TCF4: variants seen among roughly 807,000 people sequenced by gnomAD.
TCF4 encodes SL3-3 enhancer factor 2.
In TCF4, 3 loss-of-function variants were observed where a neutral mutation model predicts 82.1. The ratio of observed to expected loss-of-function variants is 0.04; its 90% confidence interval spans 0.02 to 0.09. The LOEUF is 0.09. Ranked by LOEUF, TCF4 falls within the 10% of genes least tolerant of loss-of-function variation. The probability of loss-of-function intolerance (pLI) is 1.00; values close to 1 mark genes in which losing one functional copy is unlikely to be tolerated. For synonymous variants in TCF4, 276 were observed against 309.6 expected (o/e 0.89, Z 1.14); for missense variants, 518 against 852.7 (o/e 0.61, Z 4.89).
chr18:55,402,816 C>A (rs1386036534), intron 6 of TCF4, among the ~76,000 whole-genome samples: 1 of 152,184 alleles, frequency 6.6e-6, no homozygotes, highest in East Asian at 1.9e-4. Context: ...CACAAACACA[C>A]ACATGCTATA....
intron 8 of TCF4, chr18:55,320,688 T>C (rs2075277633): frequency 6.6e-6 from 1 of 152,224 alleles, no homozygotes; most frequent in African/African-American, 2.4e-5. Flanking sequence ...TTAAGATCAA[T>C]CCAAATGGAA....
intron 3 of TCF4, chr18:55,495,489 T>C (rs2096624991): frequency 1.3e-5 from 2 of 151,996 alleles, no homozygotes; most frequent in African/African-American, 4.8e-5. Flanking sequence ...ATTATGAGAG[T>C]TGTTCAGCAA....
intron 5 of TCF4, among the ~76,000 whole-genome samples, chr18:55,409,830 C>T (rs1302454449): frequency 6.6e-6 from 1 of 152,072 alleles, no homozygotes; most frequent in Non-Finnish European, 1.5e-5. Context: ...ACTAGCTAGT[C>T]AACTTTACTC....
chr18:55,369,223 T>G (rs2088189285), intron 6 of TCF4, among the ~76,000 whole-genome samples: 1 of 152,226 alleles, frequency 6.6e-6, no homozygotes, highest in Non-Finnish European at 1.5e-5. Flanking sequence ...CCTACATGTT[T>G]TGAAACTTAA....
Position 55,269,813 on chromosome 18 carries a change from G to T in TCF4, c.922+18C>A. 1.2e-6 allele frequency: 2 copies of T among 1,612,744 alleles called. No individual in the cohort carries two copies. The highest frequency in any genetic ancestry group is 1.7e-6 in the Non-Finnish European group (2 of 1,179,158). ...GACACCAATTGTTGGTATCAGAATT[G>T]GCATTTCTGTGACTCACCCATTATA... On this transcript the variant is annotated intron_variant, in intron 11 of 19. Coordinates refer to ENST00000354452, the MANE Select transcript of TCF4 (RefSeq NM_001083962.2).
At chr18:55,612,923 G>A (rs1246642331) in intron 2 of TCF4, among the ~76,000 whole-genome samples, 1 of 152,058 alleles carries the variant, frequency 6.6e-6, no homozygotes, top group African/African-American at 2.4e-5. Flanking sequence ...ACTCCAGCCT[G>A]GGCAACAGAG....
intron 3 of TCF4, among the ~76,000 whole-genome samples, chr18:55,532,854 G>A (rs1305330693): frequency 1.3e-5 from 2 of 151,978 alleles, no homozygotes; most frequent in Admixed American, 1.3e-4. Context: ...CACACTAACC[G>A]GCAAGCATGT....
intron 3 of TCF4, among the ~76,000 whole-genome samples, chr18:55,483,306 G>C (rs1301223665): frequency 6.6e-6 from 1 of 152,218 alleles, no homozygotes; most frequent in Non-Finnish European, 1.5e-5. Flanking sequence ...GTTAGCTAGA[G>C]AAACTACAAC....
intron 6 of TCF4, among the ~76,000 whole-genome samples, chr18:55,385,376 C>A (rs2092496402): frequency 6.6e-6 from 1 of 152,146 alleles, no homozygotes; most frequent in South Asian, 2.1e-4. Context: ...CCTGCCATAC[C>A]CAAAAGAAAA....
At chr18:55,488,074 A>G (rs984056118) in intron 3 of TCF4, among the ~76,000 whole-genome samples, 2 of 152,224 alleles carry the variant, frequency 1.3e-5, no homozygotes, top group Admixed American at 6.5e-5. Context: ...AGGATTTGCT[A>G]TAAAACTGCA....
At chr18:55,293,931 C>CTTTTTT (rs781150808) in intron 8 of TCF4, among the ~76,000 whole-genome samples, 1,031 of 40,002 alleles carry the variant, frequency 0.026, 312 homozygotes, top group African/African-American at 0.035. Context: ...TTTCCAAGGA[C>CTTTTTT]TTTTTTTTTT....
intron 10 of TCF4, among the ~76,000 whole-genome samples, chr18:55,275,076 T>C (rs1172129281): frequency 6.6e-6 from 1 of 151,874 alleles, no homozygotes; most frequent in Non-Finnish European, 1.5e-5. Flanking sequence ...AAAATGGGAA[T>C]CTGATCTATG....
chr18:55,417,981 T>C (rs945135098), intron 5 of TCF4, among the ~76,000 whole-genome samples: 7 of 150,836 alleles, frequency 4.6e-5, no homozygotes, highest in Non-Finnish European at 7.4e-5. Flanking sequence ...CTTTACTTCC[T>C]GAGGATGATT....
chr18:55,480,610 G>C (rs2096405935), intron 3 of TCF4, among the ~76,000 whole-genome samples: 1 of 152,300 alleles, frequency 6.6e-6, no homozygotes, highest in Admixed American at 6.5e-5. Context: ...TAACCTAAGG[G>C]AATAAACTGC....
chr18:55,294,877 G>A (rs568931387), intron 8 of TCF4, among the ~76,000 whole-genome samples: 3 of 152,268 alleles, frequency 2.0e-5, no homozygotes, highest in Non-Finnish European at 4.4e-5. Context: ...GCCTTGGCCT[G>A]TGTCCGGATT....
At chr18:55,431,732 G>A (rs929594751) in intron 5 of TCF4, among the ~76,000 whole-genome samples, 9 of 152,216 alleles carry the variant, frequency 5.9e-5, no homozygotes, top group African/African-American at 2.2e-4. Flanking sequence ...GTCAGGAGAG[G>A]AGATGAAGCG....
chr18:55,571,505 G>A (rs780259485), intron 3 of TCF4, among the ~76,000 whole-genome samples: 2 of 152,122 alleles, frequency 1.3e-5, no homozygotes, highest in African/African-American at 4.8e-5. Flanking sequence ...TGTTGGTGGT[G>A]GGTTCATAGA....
chr18:55,493,318 A>G (rs1466262891), intron 3 of TCF4, among the ~76,000 whole-genome samples: 1 of 152,200 alleles, frequency 6.6e-6, no homozygotes, highest in Admixed American at 6.6e-5. Flanking sequence ...TATTTCATGA[A>G]AAAAGGAGTT....
intron 3 of TCF4, among the ~76,000 whole-genome samples, chr18:55,505,231 C>A (rs1050646789): frequency 6.6e-6 from 1 of 152,122 alleles, no homozygotes; most frequent in Admixed American, 6.6e-5. Flanking sequence ...ATTTATGGCG[C>A]TAATTTCACA....
Sources: allele counts gnomAD v4.1 joint callset (sites outside exome capture counted in the v4.1 genomes callset), GRCh38; gene constraint gnomAD v4.1.1; transcripts MANE v1.5; gene names NCBI Gene and HGNC (gene_info 2026-07-23, HGNC 2026-07-21).